PAM: variants seen among roughly 807,000 people sequenced by gnomAD.
PAM encodes peptidyl-glycine alpha-amidating monooxygenase.
In PAM, 72 loss-of-function variants were observed where a neutral mutation model predicts 122.1. That is an observed-to-expected ratio of 0.59 (90% CI 0.49 to 0.72). The LOEUF (loss-of-function observed/expected upper bound fraction) is 0.72, where lower values mean the gene tolerates loss of function less well. Ranked by LOEUF, PAM falls within the 30% of genes least tolerant of loss-of-function variation. The probability of loss-of-function intolerance (pLI) is 0.00; values close to 1 mark genes in which losing one functional copy is unlikely to be tolerated. For missense variants in PAM, 1,106 were observed against 1,183.7 expected (o/e 0.93, Z 0.96); for synonymous variants, 389 against 404.4 (o/e 0.96, Z 0.46).
At chr5:102,758,573 G>A (rs1410789479) in intron 1 of PAM, among the ~76,000 whole-genome samples, 2 of 152,102 alleles carry the variant, frequency 1.3e-5, no homozygotes, top group Admixed American at 1.3e-4. Context: ...AGCTGCTGTT[G>A]GTGTCATGTG....
intron 14 of PAM, among the ~76,000 whole-genome samples, chr5:102,968,670 T>C (rs1308434844): frequency 6.6e-6 from 1 of 152,196 alleles, no homozygotes; most frequent in Non-Finnish European, 1.5e-5. Context: ...AAAAGTATTC[T>C]AGTTTGAGAA....
At chr5:102,774,404 C>G (rs1424899908) in intron 1 of PAM, among the ~76,000 whole-genome samples, 1 of 152,028 alleles carries the variant, frequency 6.6e-6, no homozygotes, top group African/African-American at 2.4e-5. Context: ...GAGAGCCACT[C>G]CAAAGTGAGA....
intron 16 of PAM, among the ~76,000 whole-genome samples, chr5:102,995,039 T>C (rs1256667719): frequency 6.6e-6 from 1 of 152,136 alleles, no homozygotes; most frequent in African/African-American, 2.4e-5. Context: ...GATCTATTGT[T>C]TTAGAAATCT....
At chr5:102,989,914 G>T (rs7735995) in intron 15 of PAM, 52,208 of 156,096 alleles carry the variant, frequency 0.33, 8,920 homozygotes, top group East Asian at 0.44. Flanking sequence ...ATTTAAAAGC[G>T]TTGTATTAAA....
At chr5:102,995,651 T>C (rs945890993) in intron 16 of PAM, among the ~76,000 whole-genome samples, 6 of 152,126 alleles carry the variant, frequency 3.9e-5, no homozygotes, top group Non-Finnish European at 5.9e-5. Context: ...AGTGGCCTTA[T>C]TGACTGAATA....
chr5:102,878,254 G>A (rs1247243252), intron 3 of PAM, among the ~76,000 whole-genome samples: 1 of 152,084 alleles, frequency 6.6e-6, no homozygotes, highest in Non-Finnish European at 1.5e-5. Flanking sequence ...CAAAGGGACT[G>A]AAGATTATAA....
intron 1 of PAM, among the ~76,000 whole-genome samples, chr5:102,859,140 C>T (rs1783411275): frequency 6.6e-6 from 1 of 152,090 alleles, no homozygotes; most frequent in African/African-American, 2.4e-5. Context: ...TTTTAGAGTG[C>T]ACTCCTTCTA....
chr5:102,915,265 T>A (rs1325243700), intron 5 of PAM, among the ~76,000 whole-genome samples: 1 of 152,124 alleles, frequency 6.6e-6, no homozygotes, highest in Non-Finnish European at 1.5e-5. Context: ...ATTAGCCTGA[T>A]GTGAGTCAAG....
chr5:102,985,967 G>A (rs1771683629), intron 15 of PAM, among the ~76,000 whole-genome samples: 1 of 152,078 alleles, frequency 6.6e-6, no homozygotes, highest in Non-Finnish European at 1.5e-5. Flanking sequence ...CACATCAACA[G>A]AATGAAGGAC....
At chr5:102,792,672 T>C (rs965040608) in intron 1 of PAM, among the ~76,000 whole-genome samples, 5 of 152,190 alleles carry the variant, frequency 3.3e-5, no homozygotes, top group African/African-American at 1.2e-4. Context: ...CTCAGTACAT[T>C]AGAAGTCTTC....
intron 1 of PAM, among the ~76,000 whole-genome samples, chr5:102,859,408 AG>A (rs1296467197): frequency 2.0e-5 from 3 of 150,896 alleles, no homozygotes; most frequent in African/African-American, 7.4e-5. Context: ...AAGTTTAATA[AG>A]GTTTTTTTTT....
intron 1 of PAM, among the ~76,000 whole-genome samples, chr5:102,807,165 A>C (rs748559609): frequency 6.6e-6 from 1 of 152,230 alleles, no homozygotes; most frequent in Non-Finnish European, 1.5e-5. Context: ...GTTTAAAAAC[A>C]TGTCAATGTA....
At chr5:102,932,715 G>A (rs1407066163) in intron 7 of PAM, among the ~76,000 whole-genome samples, 7 of 151,536 alleles carry the variant, frequency 4.6e-5, no homozygotes, top group Non-Finnish European at 8.8e-5. Flanking sequence ...TAAATTAGAT[G>A]GTACATGTTA....
At chr5:102,921,171 T>C (rs1234182500) in intron 5 of PAM, among the ~76,000 whole-genome samples, 2 of 152,118 alleles carry the variant, frequency 1.3e-5, no homozygotes, top group Non-Finnish European at 1.5e-5. Flanking sequence ...AGGAGCCTTA[T>C]AGGAGAAGCT....
intron 1 of PAM, among the ~76,000 whole-genome samples, chr5:102,835,272 G>A (rs932673607): frequency 6.6e-6 from 1 of 151,966 alleles, no homozygotes; most frequent in African/African-American, 2.4e-5. Context: ...CTCTTTTCAG[G>A]ATATTGACTT....
chr5:102,940,748 G>A (rs1031834113), intron 7 of PAM, among the ~76,000 whole-genome samples: 2 of 152,078 alleles, frequency 1.3e-5, no homozygotes, highest in Non-Finnish European at 2.9e-5. Context: ...ACAAATGAAT[G>A]TTTAAATATG....
At chr5:102,875,145 T>C (rs751543137) in intron 3 of PAM, among the ~76,000 whole-genome samples, 3 of 151,702 alleles carry the variant, frequency 2.0e-5, no homozygotes, top group Non-Finnish European at 2.9e-5. Context: ...AGCTCTCTTT[T>C]ATTAAACAAA....
At chr5:102,920,130 T>C (rs1265036449) in intron 5 of PAM, among the ~76,000 whole-genome samples, 1 of 152,066 alleles carries the variant, frequency 6.6e-6, no homozygotes, top group Non-Finnish European at 1.5e-5. Flanking sequence ...GGTTAAATGA[T>C]GTAACCTGTA....
intron 3 of PAM, among the ~76,000 whole-genome samples, chr5:102,890,113 T>C (rs1794352153): frequency 6.6e-6 from 1 of 151,968 alleles, no homozygotes; most frequent in Admixed American, 6.6e-5. Flanking sequence ...GTTTTGCTGA[T>C]TGCATCACTA....
Sources: allele counts gnomAD v4.1 joint callset (sites outside exome capture counted in the v4.1 genomes callset), GRCh38; gene constraint gnomAD v4.1.1; transcripts MANE v1.5; gene names NCBI Gene and HGNC (gene_info 2026-07-23, HGNC 2026-07-21).